Variants in PCDH9 observed in about 807,000 individuals in gnomAD.
PCDH9 encodes the protein protocadherin-9.
Under a neutral mutation model 70.6 loss-of-function variants are expected in PCDH9, and 24 were observed. The ratio of observed to expected loss-of-function variants is 0.34; its 90% CI spans 0.25 to 0.48. PCDH9 has a LOEUF of 0.48. Ranked by LOEUF, PCDH9 falls within the 20% of genes least tolerant of loss-of-function variation. The pLI is 0.99. For missense variants in PCDH9, 1,281 were observed against 1,503.6 expected (o/e 0.85, Z 2.45); for synonymous variants, 562 against 558.5 (o/e 1.01, Z -0.09).
At chr13:66,910,436 A>G (rs1044499374) in intron 2 of PCDH9, among the ~76,000 whole-genome samples, 3 of 152,166 alleles carry the variant, frequency 2.0e-5, no homozygotes, top group Admixed American at 6.6e-5. Flanking sequence ...AAGTGTTTGT[A>G]TAATATTTAC....
At chr13:66,536,499 T>A (rs1432294497) in intron 4 of PCDH9, among the ~76,000 whole-genome samples, 5 of 152,152 alleles carry the variant, frequency 3.3e-5, no homozygotes, top group African/African-American at 1.2e-4. Context: ...TATTCAATTA[T>A]CACATATCTG....
chr13:66,578,021 A>C (rs1383943292), intron 4 of PCDH9, among the ~76,000 whole-genome samples: 2 of 152,080 alleles, frequency 1.3e-5, no homozygotes, highest in African/African-American at 4.8e-5. Context: ...TCTCTATGTA[A>C]AATGTATACC....
At chr13:66,569,607 T>C (rs1392999340) in intron 4 of PCDH9, among the ~76,000 whole-genome samples, 1 of 152,186 alleles carries the variant, frequency 6.6e-6, no homozygotes, top group Non-Finnish European at 1.5e-5. Context: ...CTATAGATAC[T>C]CAAAACGTTG....
chr13:67,168,388 C>G (rs969973367), intron 2 of PCDH9, among the ~76,000 whole-genome samples: 17 of 151,988 alleles, frequency 1.1e-4, no homozygotes, highest in African/African-American at 3.6e-4. Flanking sequence ...TGAAATAGTT[C>G]TATACTAGGA....
At chr13:66,623,301 G>C (rs987956048) in intron 4 of PCDH9, among the ~76,000 whole-genome samples, 4 of 152,202 alleles carry the variant, frequency 2.6e-5, no homozygotes, top group Non-Finnish European at 5.9e-5. Flanking sequence ...ATCCCCAGTA[G>C]TGATTGTGTT....
intron 3 of PCDH9, among the ~76,000 whole-genome samples, chr13:66,873,909 TTTTCG>T (rs1337896389): frequency 6.6e-6 from 1 of 150,912 alleles, no homozygotes; most frequent in African/African-American, 2.4e-5. Context: ...CTTCTTTTTC[TTTTCG>T]TTTCTTTTTT....
At chr13:66,561,911 C>G (rs1283707501) in intron 4 of PCDH9, among the ~76,000 whole-genome samples, 1 of 152,052 alleles carries the variant, frequency 6.6e-6, no homozygotes, top group Admixed American at 6.6e-5. Flanking sequence ...TCGCTCTTGG[C>G]AATAAATCCT....
intron 2 of PCDH9, among the ~76,000 whole-genome samples, chr13:66,918,639 A>T (rs922268822): frequency 2.0e-5 from 3 of 151,200 alleles, no homozygotes; most frequent in Non-Finnish European, 4.4e-5. Flanking sequence ...AAAAAAATAG[A>T]GAAGTAGAGT....
intron 4 of PCDH9, among the ~76,000 whole-genome samples, chr13:66,343,166 C>T (rs1956159827): frequency 6.6e-6 from 1 of 152,116 alleles, no homozygotes; most frequent in Admixed American, 6.6e-5. Flanking sequence ...GAGTAAACTT[C>T]TGAAAGAATA....
chr13:66,442,129 C>G (rs912526177), intron 4 of PCDH9, among the ~76,000 whole-genome samples: 1 of 152,140 alleles, frequency 6.6e-6, no homozygotes, highest in African/African-American at 2.4e-5. Context: ...GAGTTCTTGT[C>G]CAGTGCACAA....
chr13:66,648,881 G>C (rs1283011308), intron 3 of PCDH9, among the ~76,000 whole-genome samples: 2 of 151,992 alleles, frequency 1.3e-5, no homozygotes, highest in African/African-American at 2.4e-5. Context: ...CAGAAAGTCT[G>C]AAAAAATTTT....
intron 2 of PCDH9, among the ~76,000 whole-genome samples, chr13:66,949,272 G>A (rs970822641): frequency 2.0e-5 from 3 of 152,092 alleles, no homozygotes; most frequent in African/African-American, 7.2e-5. Flanking sequence ...TGTGACAGCT[G>A]AATTATTCTT....
chr13:66,704,949 T>C (rs564116944), intron 3 of PCDH9, among the ~76,000 whole-genome samples: 7 of 152,256 alleles, frequency 4.6e-5, no homozygotes, highest in Admixed American at 3.9e-4. Flanking sequence ...TTATTGTTTA[T>C]AGCAATTTGT....
intron 4 of PCDH9, among the ~76,000 whole-genome samples, chr13:66,383,312 A>T (rs1956878046): frequency 6.6e-6 from 1 of 152,188 alleles, no homozygotes; most frequent in Non-Finnish European, 1.5e-5. Context: ...CTCTCATAAC[A>T]TTGGTTTTAA....
chr13:67,214,117 C>T (rs1034832663), intron 2 of PCDH9: 11 of 152,238 alleles, frequency 7.2e-5, no homozygotes, highest in African/African-American at 2.6e-4. Flanking sequence ...TGTTGTGTCT[C>T]ATTTATGTTA....
chr13:66,487,130 G>A (rs1284813337), intron 4 of PCDH9, among the ~76,000 whole-genome samples: 1 of 152,148 alleles, frequency 6.6e-6, no homozygotes, highest in East Asian at 1.9e-4. Flanking sequence ...ATAAATATAT[G>A]CATTTGCAAG....
At chr13:66,399,035 AG>A (rs1566296193) in intron 4 of PCDH9, among the ~76,000 whole-genome samples, 1 of 152,204 alleles carries the variant, frequency 6.6e-6, no homozygotes, top group East Asian at 1.9e-4. Flanking sequence ...ACATGCAAAT[AG>A]AAAATAGTGG....
intron 3 of PCDH9, among the ~76,000 whole-genome samples, chr13:66,738,677 G>C (rs373957015): frequency 1.3e-5 from 2 of 148,428 alleles, no homozygotes; most frequent in Admixed American, 1.3e-4. Context: ...ACCAAGGCTC[G>C]AGAACTACGT....
At chr13:66,985,901 A>T in intron 2 of PCDH9, 1 of 152,120 alleles carries the variant, frequency 6.6e-6, no homozygotes, top group East Asian at 1.9e-4. Context: ...TCCTAGCCAC[A>T]AATCAGTAGT....
Sources: allele counts gnomAD v4.1 joint callset (sites outside exome capture counted in the v4.1 genomes callset), GRCh38; gene constraint gnomAD v4.1.1; transcripts MANE v1.5; gene names NCBI Gene and HGNC (gene_info 2026-07-23, HGNC 2026-07-21).